PLCD3: variants seen among roughly 807,000 people sequenced by gnomAD.
The protein encoded by PLCD3 is 1-phosphatidylinositol 4,5-bisphosphate phosphodiesterase delta-3.
Under a neutral mutation model 82.8 loss-of-function variants are expected in PLCD3, and 62 were observed. The ratio of observed to expected loss-of-function variants is 0.75; its 90% CI spans 0.61 to 0.93. The LOEUF (loss-of-function observed/expected upper bound fraction) is 0.93, where lower values mean the gene tolerates loss of function less well. PLCD3 is among the 40% of genes least tolerant of loss of function. The pLI, the probability that PLCD3 is intolerant of heterozygous loss-of-function variation, is 0.00. For missense variants in PLCD3, 1,023 were observed against 1,103.4 expected, an observed-to-expected ratio of 0.93 and a Z score of 1.03; for synonymous variants, 478 against 471.8, an observed-to-expected ratio of 1.01 and a Z score of -0.17.
chr17:45,115,567 A>G, intron 8 of PLCD3, 77 bp from the exon 9 acceptor site: 3 of 1,358,622 alleles, frequency 2.2e-6, no homozygotes, highest in Non-Finnish European at 3.0e-6. Flanking sequence ...TTATTCAACC[A>G]CCGCCTTGTG....
rs527313886 is a variant in PLCD3, at chr17:45,126,248, G to A, written c.164-4876C>T. On this transcript the variant is annotated intron_variant, in intron 1 of 14. Transcript: ENST00000619929. Reference sequence around the variant, plus strand: ...TTTTTAGTAGAGACGGGGTTTCACCGTGTTAGCCAGGATGGTCTTGATATC... The same window carrying A: ...TTTTTAGTAGAGACGGGGTTTCACCATGTTAGCCAGGATGGTCTTGATATC... Among the ~76,000 whole-genome samples, 214 of 151,272 alleles carry A rather than the reference G, an allele frequency of 1.4e-3. 1 individual carries two copies. The highest frequency in any genetic ancestry group is 4.8e-3 in the African/African-American group (196 of 41,160).
intron 4 of PLCD3, among the ~76,000 whole-genome samples, chr17:45,119,450 G>T (rs2054319800): frequency 6.6e-6 from 1 of 152,168 alleles, no homozygotes; most frequent in Non-Finnish European, 1.5e-5. Context: ...TGCCCAAGCT[G>T]ATCTCAAACT....
chr17:45,117,881 G>T, intron 7 of PLCD3, 113 bp downstream of exon 7: 1 of 1,400,426 alleles, frequency 7.1e-7, no homozygotes, highest in Admixed American at 2.1e-5. Flanking sequence ...GTGAATGAAT[G>T]ATTCTCTGGG....
At chr17:45,130,595 G>C (rs1216543734) in intron 1 of PLCD3, among the ~76,000 whole-genome samples, 1 of 152,196 alleles carries the variant, frequency 6.6e-6, no homozygotes, top group African/African-American at 2.4e-5. Context: ...GTCCAGCCCA[G>C]TCTATCTCCT....
intron 1 of PLCD3, among the ~76,000 whole-genome samples, chr17:45,124,326 C>T (rs1200286560): frequency 2.0e-5 from 3 of 152,260 alleles, no homozygotes; most frequent in African/African-American, 7.2e-5. Context: ...GGAGGGGGCC[C>T]CTACTTCTGG....
At position 45,112,700 on chromosome 17, in the gene PLCD3, G is replaced by A; in HGVS notation, c.2286C>T (p.Tyr762=). 1 of 1,603,870 alleles carries A rather than the reference G, an allele frequency of 6.2e-7. No individual in the cohort carries two copies. The highest frequency in any genetic ancestry group is 8.5e-7 in the Non-Finnish European group (1 of 1,175,514). ...CCTTGGAAAGCAGGTGTATGTGGCG[G>A]TACCCTGTAGGGAGGACAGCCAGGC... ...TLPLSSLKQG[Y]RHIHLLSKDG... Residue 762 remains tyrosine, a synonymous_variant, in exon 15 of 15, where the codon TAC becomes TAT. Transcript: ENST00000619929.
At chr17:45,126,977 T>A (rs1208983229) in intron 1 of PLCD3, among the ~76,000 whole-genome samples, 1 of 152,170 alleles carries the variant, frequency 6.6e-6, no homozygotes, top group Non-Finnish European at 1.5e-5. Flanking sequence ...TGAATGAATA[T>A]CTCAAAAATG....
At chr17:45,112,731 G>C in intron 14 of PLCD3, 27 bp from the exon 15 acceptor site, 1 of 1,595,666 alleles carries the variant, frequency 6.3e-7, no homozygotes, top group Non-Finnish European at 8.5e-7. Flanking sequence ...CAGGCCTCAG[G>C]TCCTCTGTGC....
rs2143540066 is a variant in PLCD3, at chr17:45,111,266, A to G, written c.*1350T>C. ...AGCCCGTGTCCTTGGGATTTGCCCTACTGAGCAGACAGGGGCCTTGAGCCC... is the reference window on the plus strand; with the variant it reads ...AGCCCGTGTCCTTGGGATTTGCCCTGCTGAGCAGACAGGGGCCTTGAGCCC... On this transcript the variant is annotated 3_prime_UTR_variant, in exon 15 of 15. Coordinates refer to ENST00000619929, the MANE Select transcript of PLCD3 (RefSeq NM_133373.5). The G allele has an allele frequency of 6.6e-6, 1 of 152,238 alleles. No homozygotes were observed. Among genetic ancestry groups the G allele is most frequent in the East Asian group, 1.9e-4 (1 of 5,178 alleles). 9.4% of individuals were successfully genotyped at this position (152,238 alleles called of 1,614,324 possible).
In PLCD3 at chr17:45,132,507, C is replaced by A. The variant is rs895459655; in HGVS notation, c.-97G>T. The stretch of plus-strand genomic sequence containing the variant: ...CCGGCCCCGGCTCTGAGCGAGGCGG[C>A]GAGCGAAGAAACTTAGCGGCGCGGG... On this transcript the variant is annotated 5_prime_UTR_variant, in exon 1 of 15. Coordinates refer to ENST00000619929, the MANE Select transcript of PLCD3 (RefSeq NM_133373.5). This position sits in a 1 kb window ranked among gnomAD's most constrained non-coding sequence, Gnocchi z 4.6. 4 of 722,850 alleles carry A rather than the reference C, an allele frequency of 5.5e-6. No individual in the cohort carries two copies. Among genetic ancestry groups the A allele is most frequent in the Non-Finnish European group, 7.1e-6 (4 of 565,256 alleles). The allele number at this position is 722,850 out of a possible 1,614,324, so 44.8% of individuals were successfully genotyped here.
At chr17:45,117,968 TG>T in intron 7 of PLCD3, 25 bp downstream of exon 7, 1 of 1,611,522 alleles carries the variant, frequency 6.2e-7, no homozygotes, top group South Asian at 1.1e-5. Flanking sequence ...GCTGTGGGGC[TG>T]GGGCTGGGCA....
At chr17:45,117,269 C>T (rs1598029794) in intron 7 of PLCD3, among the ~76,000 whole-genome samples, 1 of 151,924 alleles carries the variant, frequency 6.6e-6, no homozygotes, top group Admixed American at 6.6e-5. Context: ...GTTGTCTATG[C>T]TTTGGTCTCT....
Position 45,116,829 on chromosome 17 carries a change from G to A in PLCD3, c.1261-45C>T, listed in dbSNP as rs772107647. On this transcript the variant is annotated intron_variant, in intron 7 of 14. Transcript: ENST00000619929. ...AGCTCAGAGCCACTCCCCTCCCTCT[G>A]CCAGTATCTCCCAACATCTGGCTCC... is the stretch of plus-strand genomic sequence containing the variant. 3.1e-5 allele frequency: 47 copies of A among 1,511,134 alleles called. No homozygotes were observed. The Admixed American group carries it at 9.0e-4, about 29-fold the overall frequency. The allele number at this position is 1,511,134 out of a possible 1,614,324, so 93.6% of individuals were successfully genotyped here. A position where few individuals can be genotyped will look rare whatever the true frequency, so the allele number is the denominator to read the frequency against.
In PLCD3 at chr17:45,118,736, G is replaced by A. The variant is rs752418325; in HGVS notation, c.913+79C>T. On this transcript the variant is annotated intron_variant, in intron 5 of 14. Transcript: ENST00000619929. This position sits in a 1 kb window ranked among gnomAD's most constrained non-coding sequence, Gnocchi z 4.1. ...GTAACCTGCCCGAGATGATGCCCGC[G>A]CCAGCCCGCAGCAGAACCCGCTTAG... is the stretch of plus-strand genomic sequence containing the variant. The A allele has an allele frequency of 4.3e-5, 61 of 1,425,172 alleles. No homozygotes were observed. Among genetic ancestry groups the A allele is most frequent in the Admixed American group, 8.7e-5 (4 of 46,184 alleles). The allele number at this position is 1,425,172 out of a possible 1,614,324, so 88.3% of individuals were successfully genotyped here.
chr17:45,120,549 C>A, intron 3 of PLCD3, 95 bp from the exon 4 acceptor site: 1 of 1,539,368 alleles, frequency 6.5e-7, no homozygotes, highest in Non-Finnish European at 8.8e-7. Context: ...TCTGGGGGAT[C>A]CCCAGTTTAG....
In PLCD3 at chr17:45,112,987, G is replaced by T. The variant is rs1232834604; in HGVS notation, c.2157C>A (p.Thr719=). 4.3e-6 allele frequency: 7 copies of T among 1,609,492 alleles called. No individual in the cohort carries two copies. Among genetic ancestry groups the T allele is most frequent in the Non-Finnish European group, 5.9e-6 (7 of 1,177,192 alleles). The change falls in exon 14 of 15, where the codon ACC becomes ACA. Residue 719 remains threonine (T), a synonymous_variant. Coordinates refer to ENST00000619929, the MANE Select transcript of PLCD3 (RefSeq NM_133373.5). ...CCGGAGCCCGCAGCTGGAACTGCAG[G>T]GTCTGCCCCCAGCGGGGGTTGAAGC... is the stretch of plus-strand genomic sequence containing the variant. ...NNGFNPRWGQ[T]LQFQLRAPEL... is the part of the protein sequence containing the mutation.
intron 11 of PLCD3, 100 bp downstream of exon 11, chr17:45,114,150 G>A (rs1246151906): frequency 7.3e-6 from 6 of 827,580 alleles, no homozygotes; most frequent in African/African-American, 1.8e-5. Flanking sequence ...AACAAAATGC[G>A]TGTTTCCACC....
rs1209787495 is a variant in PLCD3, at chr17:45,120,941, G to T, written c.515C>A (p.Ala172Glu). 11 of 1,482,700 alleles carry T rather than the reference G, an allele frequency of 7.4e-6. No homozygotes were observed. In the African/African-American group the frequency reaches 1.4e-4, roughly 19 times the overall value. The allele number at this position is 1,482,700 out of a possible 1,614,324, so 91.8% of individuals were successfully genotyped here. A position where few individuals can be genotyped will look rare whatever the true frequency, so the allele number is the denominator to read the frequency against. The stretch of plus-strand genomic sequence containing the variant: ...GCGCTGGCTCATGGCGTCCAGGCGC[G>T]CGCGGAGCTTGGTCAGACCGCGCAC... ...RWVRGLTKLR[A>E]RLDAMSQRER... Residue 172 changes from alanine (A) to glutamate (E), a missense_variant, in exon 3 of 15, where the codon GCG becomes GAG. By Grantham distance (107) the Ala-to-Glu change is moderately radical (BLOSUM62 -1). This residue lies in a region of PLCD3 where 448 missense variants were observed against 406.3 expected (regional missense o/e 1.10). Transcript: ENST00000619929.
At chr17:45,122,077 G>A (rs1403333123) in intron 1 of PLCD3, among the ~76,000 whole-genome samples, 2 of 152,200 alleles carry the variant, frequency 1.3e-5, no homozygotes, top group Non-Finnish European at 2.9e-5. Flanking sequence ...GTAGCCATCA[G>A]GAAGGTCTCA....
Sources: allele counts gnomAD v4.1 joint callset (sites outside exome capture counted in the v4.1 genomes callset), GRCh38; gene constraint gnomAD v4.1.1; regional missense constraint gnomAD v4.1.1; non-coding constraint Gnocchi (gnomAD v3.1); transcripts MANE v1.5; gene names NCBI Gene and HGNC (gene_info 2026-07-23, HGNC 2026-07-21).